The following NRG1 variants were observed in gnomAD, a reference collection of about 807,000 sequenced individuals.
NRG1 encodes the protein pro-neuregulin-1, membrane-bound isoform.
A neutral mutation model predicts 63.8 loss-of-function variants in NRG1; 18 were observed. That is an observed-to-expected ratio of 0.28 (90% CI 0.19 to 0.42). NRG1 has a LOEUF of 0.42. Among genes scored for constraint, NRG1 ranks in the 10% least tolerant of loss-of-function variants. The pLI is 1.00. For synonymous variants in NRG1, 302 were observed against 301.3 expected (o/e 1.00, Z -0.02); for missense variants, 762 against 814.7 (o/e 0.94, Z 0.79).
chr8:32,339,040 G>A (rs1046271666), intron 1 of NRG1, among the ~76,000 whole-genome samples: 14 of 152,016 alleles, frequency 9.2e-5, no homozygotes, highest in African/African-American at 3.4e-4. Flanking sequence ...TTGTTAATTT[G>A]AGTGACTGGC....
chr8:31,850,983 G>T (rs911157272), intron 1 of NRG1, among the ~76,000 whole-genome samples: 3 of 152,102 alleles, frequency 2.0e-5, no homozygotes, highest in African/African-American at 7.2e-5. Context: ...TCCTCTCTTG[G>T]TTCCAGGGCA....
intron 5 of NRG1, among the ~76,000 whole-genome samples, chr8:32,619,411 G>C (rs1847941466): frequency 1.3e-5 from 2 of 152,164 alleles, no homozygotes; most frequent in African/African-American, 4.8e-5. Flanking sequence ...CCTGGGGTCT[G>C]AGCATGTAGT....
At chr8:32,723,758 GGA>G (rs1365896351) in intron 5 of NRG1, among the ~76,000 whole-genome samples, 1 of 143,854 alleles carries the variant, frequency 7.0e-6, no homozygotes, top group East Asian at 2.1e-4. Context: ...ACGGAAATAA[GGA>G]AGGAGGGAAA....
intron 5 of NRG1, among the ~76,000 whole-genome samples, chr8:32,683,898 A>G (rs1016238118): frequency 2.7e-5 from 4 of 150,762 alleles, no homozygotes; most frequent in Non-Finnish European, 5.9e-5. Flanking sequence ...AAAAAAAAAA[A>G]AAAAAAGAAA....
chr8:32,013,237 C>T (rs1224251226), intron 1 of NRG1, among the ~76,000 whole-genome samples: 1 of 152,038 alleles, frequency 6.6e-6, no homozygotes, highest in African/African-American at 2.4e-5. Context: ...GCAGGAGAGT[C>T]TTCCTTTGCA....
At position 31,823,577 on chromosome 8, in the gene NRG1, C is replaced by T. The variant is rs75535520; in HGVS notation, c.37+184146C>T. Among the ~76,000 whole-genome samples, 211 of 152,268 alleles carry T rather than the reference C, an allele frequency of 1.4e-3. 1 individual carries two copies. The highest frequency in any genetic ancestry group is 4.7e-3 in the African/African-American group (196 of 41,558). On this transcript the variant is annotated intron_variant, in intron 1 of 10. Coordinates refer to the NRG1 transcript ENST00000519301. ...TTCAATACTTGGAAATGTTTTGATA[C>T]TTGAAGTTTCCAGCAGATTTTAACA... is the stretch of plus-strand genomic sequence containing the variant.
At chr8:31,938,407 G>T (rs1801254388) in intron 1 of NRG1, among the ~76,000 whole-genome samples, 1 of 152,130 alleles carries the variant, frequency 6.6e-6, no homozygotes, top group African/African-American at 2.4e-5. Context: ...AATCTGAACA[G>T]CAGTTCTTGA....
intron 1 of NRG1, among the ~76,000 whole-genome samples, chr8:32,379,082 C>CTT (rs11377848): frequency 2.4e-4 from 36 of 151,840 alleles, no homozygotes; most frequent in African/African-American, 7.0e-4. Context: ...ATAAACATAT[C>CTT]TTTTTTTAAA....
chr8:32,123,528 G>A (rs1563812954), intron 1 of NRG1, among the ~76,000 whole-genome samples: 1 of 151,206 alleles, frequency 6.6e-6, no homozygotes, highest in South Asian at 2.1e-4. Flanking sequence ...GTCTTCATTA[G>A]CAGCGTGAGA....
intron 1 of NRG1, among the ~76,000 whole-genome samples, chr8:31,646,653 C>G (rs763486242): frequency 5.3e-5 from 8 of 152,134 alleles, no homozygotes; most frequent in Non-Finnish European, 1.2e-4. Flanking sequence ...TTTTTGGCCT[C>G]TTTGATAGAC....
intron 1 of NRG1, among the ~76,000 whole-genome samples, chr8:31,989,272 A>AAAAAAC (rs1810644328): frequency 6.8e-6 from 1 of 147,708 alleles, no homozygotes; most frequent in Non-Finnish European, 1.5e-5. Flanking sequence ...AAAAAAAAAA[A>AAAAAAC]AGAACAAAAC....
At chr8:31,643,042 G>C (rs1803956569) in intron 1 of NRG1, among the ~76,000 whole-genome samples, 1 of 152,044 alleles carries the variant, frequency 6.6e-6, no homozygotes, top group Non-Finnish European at 1.5e-5. Context: ...CCAGTTGTGT[G>C]GTGTCAGATA....
chr8:32,181,958 T>A (rs551741520), intron 1 of NRG1, among the ~76,000 whole-genome samples: 16 of 152,262 alleles, frequency 1.1e-4, no homozygotes, highest in Non-Finnish European at 2.2e-4. Context: ...CAGAAAAAAA[T>A]TATTTGAGTT....
intron 1 of NRG1, among the ~76,000 whole-genome samples, chr8:31,831,441 T>C (rs1825155446): frequency 6.6e-6 from 1 of 152,044 alleles, no homozygotes; most frequent in Non-Finnish European, 1.5e-5. Context: ...TTTTTGGAAA[T>C]TACAGGGCAT....
At chr8:32,555,629 G>A (rs1488679434) in intron 1 of NRG1, among the ~76,000 whole-genome samples, 5 of 152,022 alleles carry the variant, frequency 3.3e-5, no homozygotes, top group African/African-American at 4.8e-5. Context: ...CCACCACCAC[G>A]CCCGGCTGAT....
chr8:32,163,095 T>C (rs1026434740), intron 1 of NRG1, among the ~76,000 whole-genome samples: 5 of 152,238 alleles, frequency 3.3e-5, no homozygotes, highest in African/African-American at 1.2e-4. Flanking sequence ...GAAGGATCAA[T>C]GAATCATATT....
chr8:31,974,426 T>C (rs779323223), intron 1 of NRG1, among the ~76,000 whole-genome samples: 2 of 152,208 alleles, frequency 1.3e-5, no homozygotes, highest in Non-Finnish European at 2.9e-5. Context: ...TCCCACCTGG[T>C]ATGAAGCACT....
At chr8:31,989,175 A>G (rs1425389093) in intron 1 of NRG1, among the ~76,000 whole-genome samples, 1 of 141,746 alleles carries the variant, frequency 7.1e-6, no homozygotes. Flanking sequence ...TGAACCCAGG[A>G]GGCAGAGGTT....
chr8:31,814,222 C>T (rs1305751235), intron 1 of NRG1, among the ~76,000 whole-genome samples: 1 of 152,156 alleles, frequency 6.6e-6, no homozygotes, highest in African/African-American at 2.4e-5. Flanking sequence ...ATGAAGACGT[C>T]CTCACTGATG....
Sources: gnomAD v4.1 joint callset for allele counts (sites outside exome capture counted in the v4.1 genomes callset) on GRCh38, gnomAD v4.1.1 for gene constraint, MANE v1.5 for transcripts, NCBI Gene and HGNC (gene_info 2026-07-23, HGNC 2026-07-21) for gene names.